The following PFAS variants were observed in gnomAD, a reference collection of about 807,000 sequenced individuals.
PFAS encodes the protein phosphoribosylformylglycinamidine synthase.
Under a neutral mutation model 140.6 loss-of-function variants are expected in PFAS, and 97 were observed. The observed-to-expected ratio is 0.69, with a 90% CI of 0.59 to 0.82. The LOEUF is 0.82. Among genes scored for constraint, PFAS ranks in the 40% least tolerant of loss-of-function variants. PFAS has a pLI of 0.00. For synonymous variants in PFAS, 679 were observed against 718.8 expected (o/e 0.94, Z 0.88); for missense variants, 1,656 against 1,780.2 (o/e 0.93, Z 1.26).
intron 6 of PFAS, 89 bp from the exon 7 acceptor site, chr17:8,256,178 C>T: frequency 7.7e-7 from 1 of 1,299,630 alleles, no homozygotes; most frequent in Non-Finnish European, 1.1e-6. Context: ...TTGGCTGTAA[C>T]TCTGCTGTTA....
At position 8,263,175 on chromosome 17, in the gene PFAS, C is replaced by T. The variant is rs1989664353; in HGVS notation, c.1477C>T (p.Gln493Ter). Residue 493 changes from glutamine to a stop codon, truncating the protein, a stop_gained, in exon 13 of 28, where the codon CAG becomes TAG. Transcript: ENST00000314666. LOFTEE classifies it high-confidence loss of function. The part of the protein sequence containing the change: ...AVQRGDPEME[Q>*]KMNRVIRACV... Reference sequence around the variant, plus strand: ...GCAGCGAGGAGACCCGGAGATGGAACAGAAGATGAACCGTGTGATCAGGGC... The same window carrying T: ...GCAGCGAGGAGACCCGGAGATGGAATAGAAGATGAACCGTGTGATCAGGGC... 1 of 1,613,892 alleles carries T rather than the reference C, an allele frequency of 6.2e-7. No individual in the cohort carries two copies. Among genetic ancestry groups the T allele is most frequent in the Non-Finnish European group, 8.5e-7 (1 of 1,179,804 alleles).
chr17:8,266,292 G>T lies in PFAS; in HGVS notation c.2760G>T (p.Leu920=), dbSNP rs1334738101. 1.2e-6 allele frequency: 2 copies of T among 1,614,012 alleles called. No individual in the cohort carries two copies. Among genetic ancestry groups the T allele is most frequent in the African/African-American group, 2.7e-5 (2 of 74,898 alleles). ...ACGGAGGCCTCGTCACATGCCTGCT[G>T]GAGATGGCCTTTGCTGGAAATTGCG... ...VSDGGLVTCL[L]EMAFAGNCGL... The change falls in exon 22 of 28, where the codon CTG becomes CTT. Residue 920 remains leucine, a synonymous_variant. Coordinates refer to ENST00000314666, the MANE Select transcript of PFAS (RefSeq NM_012393.3). This position sits in a 1 kb window ranked among gnomAD's most constrained non-coding sequence, Gnocchi z 5.0.
Position 8,256,556 on chromosome 17 carries a change from G to C in PFAS, c.854G>C (p.Arg285Pro). 1.2e-6 allele frequency: 2 copies of C among 1,614,138 alleles called. No individual in the cohort carries two copies. Among genetic ancestry groups the C allele is most frequent in the Non-Finnish European group, 1.7e-6 (2 of 1,180,034 alleles). Residue 285 changes from arginine to proline, a missense_variant, in exon 8 of 28, where the codon CGG becomes CCG. Around this residue, in one of 2 missense-constraint regions of PFAS, gnomAD observed 773 missense variants for 757.3 expected, o/e 1.02. Coordinates refer to ENST00000314666, the MANE Select transcript of PFAS (RefSeq NM_012393.3). ...CAGGGAAAGGAAGTCCGATTCCTAC[G>C]GCCTGAGGACCCCACACGGCCAAGC... ...AIQGKEVRFL[R>P]PEDPTRPSRF...
In PFAS at chr17:8,269,091, G is replaced by T. The variant is rs780655630; in HGVS notation, c.3844G>T (p.Ala1282Ser). 1 of 1,614,162 alleles carries T rather than the reference G, an allele frequency of 6.2e-7. No individual in the cohort carries two copies. The change falls in exon 28 of 28, where the codon GCT becomes TCT. Residue 1282 changes from alanine (A) to serine (S), a missense_variant. Ala to Ser is a moderately conservative substitution (Grantham distance 99). Transcript: ENST00000314666. ...TCCCAATGGGTCCCCAGGGGGCGTG[G>T]CTGGCATCTGCTCCTGTGATGGCCG... ...LNPNGSPGGV[A>S]GICSCDGRHL...
At position 8,269,071 on chromosome 17, in the gene PFAS, A is replaced by C. The variant is rs750865065; in HGVS notation, c.3824A>C (p.Asn1275Thr). 1.9e-6 allele frequency: 3 copies of C among 1,613,850 alleles called. No individual in the cohort carries two copies. The highest frequency in any genetic ancestry group is 2.5e-6 in the Non-Finnish European group (3 of 1,179,878). ...NPTEQYPLNP[N>T]GSPGGVAGIC... ...ACAGAGCAGTACCCTCTGAATCCCA[A>C]TGGGTCCCCAGGGGGCGTGGCTGGC... Residue 1275 changes from asparagine (N) to threonine (T), a missense_variant, in exon 28 of 28, where the codon AAT (asparagine) becomes ACT (threonine). Asn to Thr is a moderately conservative substitution (Grantham distance 65). Coordinates refer to ENST00000314666, the MANE Select transcript of PFAS (RefSeq NM_012393.3).
rs755192891 is a variant in PFAS at position 8,265,537 on chromosome 17, ACTC to A, written c.2462-13_2462-11del. On this transcript the variant is annotated splice_polypyrimidine_tract_variant and intron_variant, in intron 19 of 27. Transcript: ENST00000314666. ...CTGGGTTGGCAACTCATTCCTTTGG[ACTC>A]CTCCTTGCTCTACAGGGTCACTGGT... The A allele has an allele frequency of 5.6e-6, 9 of 1,612,558 alleles. No individual in the cohort carries two copies. Among genetic ancestry groups the A allele is most frequent in the Admixed American group, 5.0e-5 (3 of 59,890 alleles).
At position 8,265,994 on chromosome 17, in the gene PFAS, G is replaced by C. The variant is rs1212144391; in HGVS notation, c.2678G>C (p.Ser893Thr). The C allele has an allele frequency of 4.3e-6, 7 of 1,611,340 alleles. No individual in the cohort carries two copies. The highest frequency in any genetic ancestry group is 5.9e-6 in the Non-Finnish European group (7 of 1,178,590). ...DLPENLVRAF[S>T]ITQGLLKDRL... Reference sequence around the variant, plus strand: ...CCTGAGAACTTGGTGCGGGCCTTCAGCATCACTCAGGGGCTGCTGAAAGGT... The same window carrying C: ...CCTGAGAACTTGGTGCGGGCCTTCACCATCACTCAGGGGCTGCTGAAAGGT... The change falls in exon 21 of 28, where the codon AGC (serine) becomes ACC (threonine). Residue 893 changes from serine to threonine, a missense_variant. Physicochemically the swap from Ser to Thr is moderately conservative, Grantham distance 58 (BLOSUM62 1). Transcript: ENST00000314666.
At position 8,252,651 on chromosome 17, in the gene PFAS, G is replaced by A. The variant is rs550571398; in HGVS notation, c.-79-1208G>A. On this transcript the variant is annotated intron_variant, in intron 1 of 27. Coordinates refer to ENST00000314666, the MANE Select transcript of PFAS (RefSeq NM_012393.3). ...GAACTCCTGATCTCAAGTTCTCACTGTGTTGCCCAGGCTGGAGTGCAGCGG... is the reference window on the plus strand; with the variant it reads ...GAACTCCTGATCTCAAGTTCTCACTATGTTGCCCAGGCTGGAGTGCAGCGG... Among the ~76,000 whole-genome samples, 11 of 149,884 alleles carry A rather than the reference G, an allele frequency of 7.3e-5. No individual in the cohort carries two copies. The East Asian group carries it at 1.4e-3, about 19-fold the overall frequency.
At position 8,257,711 on chromosome 17, in the gene PFAS, C is replaced by G. The variant is rs1989428879; in HGVS notation, c.1076-96C>G. On this transcript the variant is annotated intron_variant, in intron 9 of 27. Coordinates refer to ENST00000314666, the MANE Select transcript of PFAS (RefSeq NM_012393.3). ...GGAACATTGCAACCATGCAGGTGGT[C>G]CTTGGTGGCCTTGACTCTTCCTGAA... is the stretch of plus-strand genomic sequence containing the variant. 2.3e-6 allele frequency: 3 copies of G among 1,290,212 alleles called. No homozygotes were observed. In the South Asian group the frequency reaches 3.6e-5, roughly 15 times the overall value. The allele number at this position is 1,290,212 out of a possible 1,614,324, so 79.9% of individuals were successfully genotyped here. A position where few individuals can be genotyped will look rare whatever the true frequency, so the allele number is the denominator to read the frequency against.
At position 8,255,387 on chromosome 17, in the gene PFAS, G is replaced by A. The variant is rs931315290; in HGVS notation, c.385-115G>A. 6.3e-6 allele frequency: 5 copies of A among 795,284 alleles called. No individual in the cohort carries two copies. The Admixed American group carries it at 1.1e-4, about 17-fold the overall frequency. 49.3% of individuals were successfully genotyped at this position (795,284 alleles called of 1,614,324 possible). On this transcript the variant is annotated intron_variant, in intron 4 of 27. Transcript: ENST00000314666. ...GTCTTTTTGTAATCTGAGAAAAAGT[G>A]CCATATGGTGTGGCAGTGGGCTAGC...
At chr17:8,260,594 T>G in intron 11 of PFAS, among the ~76,000 whole-genome samples, 1 of 152,252 alleles carries the variant, frequency 6.6e-6, no homozygotes, top group East Asian at 1.9e-4. Context: ...AATGCTGCTA[T>G]GAACATTTAT....
intron 27 of PFAS, 45 bp from the exon 28 acceptor site, chr17:8,268,909 G>A (rs761798613): frequency 1.9e-6 from 3 of 1,612,270 alleles, no homozygotes; most frequent in Admixed American, 3.3e-5. Flanking sequence ...GCAAGGGTGG[G>A]CATGAAGGAC....
Position 8,254,071 on chromosome 17 carries a change from A to C in PFAS, c.134A>C (p.Asn45Thr). 6.2e-7 allele frequency: 1 copy of C among 1,614,052 alleles called. No individual in the cohort carries two copies. Among genetic ancestry groups the C allele is most frequent in the Non-Finnish European group, 8.5e-7 (1 of 1,179,984 alleles). Residue 45 changes from asparagine (N) to threonine (T), a missense_variant, in exon 2 of 28, where the codon AAC becomes ACC. Physicochemically the swap from Asn to Thr is moderately conservative, Grantham distance 65. Coordinates refer to ENST00000314666, the MANE Select transcript of PFAS (RefSeq NM_012393.3). ...GAGACTGAACTGTGCTACAACGTGA[A>C]CTGGACAGGTTGGGCCCAGGTATTA... ...GVETELCYNV[N>T]WTAEALPSAE...
At position 8,267,773 on chromosome 17, in the gene PFAS, A is replaced by C. The variant is rs985365184; in HGVS notation, c.3382+108A>C. ...TGGCCTCTCACTCCACCGAGCTACG[A>C]GAGAGTGGGCCCATTCGTTCTGGGC... On this transcript the variant is annotated intron_variant, in intron 26 of 27. Transcript: ENST00000314666. This position sits in a 1 kb window ranked among gnomAD's most constrained non-coding sequence, Gnocchi z 4.9. 1.5e-5 allele frequency: 9 copies of C among 606,778 alleles called. No individual in the cohort carries two copies. The highest frequency in any genetic ancestry group is 9.6e-5 in the Admixed American group (3 of 31,232). 37.6% of individuals were successfully genotyped at this position (606,778 alleles called of 1,614,324 possible). A position where few individuals can be genotyped will look rare whatever the true frequency, so the allele number is the denominator to read the frequency against.
rs551323701 is a variant in PFAS at position 8,254,753 on chromosome 17, G to A, written c.279-274G>A. Among the ~76,000 whole-genome samples the A allele has an allele frequency of 4.6e-5, 7 of 152,308 alleles. No individual in the cohort carries two copies. The South Asian group carries it at 1.4e-3, about 32-fold the overall frequency. The stretch of plus-strand genomic sequence containing the variant: ...CGGGAGGCAGAGGTTGCAGTGAACC[G>A]AGATCACGCCACTGCACTCTAGCCT... On this transcript the variant is annotated intron_variant, in intron 3 of 27. Coordinates refer to ENST00000314666, the MANE Select transcript of PFAS (RefSeq NM_012393.3).
Position 8,256,623 on chromosome 17 carries a change from A to G in PFAS, c.921A>G (p.Thr307=), listed in dbSNP as rs1989377836. Residue 307 remains threonine (T), a synonymous_variant, in exon 8 of 28, where the codon ACA becomes ACG. Coordinates refer to ENST00000314666, the MANE Select transcript of PFAS (RefSeq NM_012393.3). ...AAGGGCTGAGACATGTTGTCTTCAC[A>G]GCAGAGACTCACAACTTTCCCACAG... The part of the protein sequence containing the change: ...QQQGLRHVVF[T]AETHNFPTGV... 1 of 1,614,096 alleles carries G rather than the reference A, an allele frequency of 6.2e-7. No individual in the cohort carries two copies. The highest frequency in any genetic ancestry group is 1.3e-5 in the African/African-American group (1 of 74,956).
At chr17:8,254,937 G>A in intron 3 of PFAS, 90 bp from the exon 4 acceptor site, 4 of 855,392 alleles carry the variant, frequency 4.7e-6, no homozygotes, top group Non-Finnish European at 7.9e-6. Flanking sequence ...AGCGGTGGGA[G>A]GTTGTCCAGA....
rs1307687555 is a variant in PFAS, at chr17:8,265,084, G to A, written c.2239G>A (p.Ala747Thr). The A allele has an allele frequency of 1.2e-6, 2 of 1,613,256 alleles. No individual in the cohort carries two copies. Among genetic ancestry groups the A allele is most frequent in the South Asian group, 1.1e-5 (1 of 91,082 alleles). The change falls in exon 18 of 28, where the codon GCC (alanine) becomes ACC (threonine). Residue 747 changes from alanine (A) to threonine (T), a missense_variant. Ala to Thr is a moderately conservative substitution (Grantham distance 58). Coordinates refer to ENST00000314666, the MANE Select transcript of PFAS (RefSeq NM_012393.3). ...CGCCGCCCGGCTGGCCGTGGCCGAAGCCCTCACCAACCTGGTGTTTGCTCT... is the reference window on the plus strand; with the variant it reads ...CGCCGCCCGGCTGGCCGTGGCCGAAACCCTCACCAACCTGGTGTTTGCTCT... ...KVAARLAVAE[A>T]LTNLVFALVT...
At chr17:8,261,935 C>A (rs907614981) in intron 11 of PFAS, among the ~76,000 whole-genome samples, 6 of 151,830 alleles carry the variant, frequency 4.0e-5, no homozygotes, top group Non-Finnish European at 7.4e-5. Context: ...GGCTTCAGGA[C>A]CCTTCCGCAT....
Sources: gnomAD v4.1 joint callset for allele counts (sites outside exome capture counted in the v4.1 genomes callset) on GRCh38, gnomAD v4.1.1 for gene constraint, gnomAD v4.1.1 regional missense constraint, Gnocchi (gnomAD v3.1) non-coding constraint, MANE v1.5 for transcripts, NCBI Gene and HGNC (gene_info 2026-07-23, HGNC 2026-07-21) for gene names.